The following ARK2N variants were observed in gnomAD, a reference collection of about 807,000 sequenced individuals.
ARK2N encodes the protein arkadia (RNF111) N-terminal like PKA signaling regulator 2N, also known as protein ARK2N.
chr18:46,184,846 T>C, the ARK2N span, among the ~76,000 whole-genome samples: 35 of 152,362 alleles, frequency 2.3e-4, no homozygotes, highest in African/African-American at 8.4e-4. Context: ...AAGATACTGC[T>C]TTCTACCTCA....
chr18:46,215,855 T>C, the ARK2N span: 2 of 1,595,380 alleles, frequency 1.3e-6, no homozygotes, highest in Admixed American at 3.4e-5. Flanking sequence ...TAGACTCTAC[T>C]CCATGATTTA....
chr18:46,263,456 T>C, the ARK2N span: 1 of 198,502 alleles, frequency 5.0e-6, no homozygotes, highest in Non-Finnish European at 1.1e-5. Flanking sequence ...AAAATGGGTT[T>C]CAGTTTTTGA....
chr18:46,216,072 G>A, the ARK2N span: 1 of 1,614,032 alleles, frequency 6.2e-7, no homozygotes, highest in African/African-American at 1.3e-5. The surrounding 1 kb of genome is among the most constrained non-coding windows in gnomAD (Gnocchi z 4.3). Flanking sequence ...AACTGAGAAG[G>A]GACTCTTCTG....
the ARK2N span, among the ~76,000 whole-genome samples, chr18:46,229,576 C>T: frequency 6.6e-6 from 1 of 151,302 alleles, no homozygotes; most frequent in Non-Finnish European, 1.5e-5. Context: ...GATCTCCTGA[C>T]GTCATGATCC....
the ARK2N span, among the ~76,000 whole-genome samples, chr18:46,205,106 C>T: frequency 1.3e-5 from 2 of 151,890 alleles, no homozygotes; most frequent in African/African-American, 4.8e-5. Flanking sequence ...CGGGTTTTTA[C>T]CATGTTGCCC....
the ARK2N span, among the ~76,000 whole-genome samples, chr18:46,246,693 A>G: frequency 1.8e-5 from 1 of 56,872 alleles, no homozygotes; most frequent in African/African-American, 5.6e-5. Context: ...CTGTAATCCC[A>G]GCACTTTGGG....
the ARK2N span, among the ~76,000 whole-genome samples, chr18:46,173,866 G>A: frequency 6.6e-6 from 1 of 152,152 alleles, no homozygotes; most frequent in African/African-American, 2.4e-5. Context: ...AAGAAGCCCG[G>A]GGAGCCGGCG....
the ARK2N span, chr18:46,218,364 T>C: frequency 6.6e-6 from 1 of 152,244 alleles, no homozygotes; most frequent in Non-Finnish European, 1.5e-5. Flanking sequence ...GTTTCTATTG[T>C]TCACACCATT....
the ARK2N span, among the ~76,000 whole-genome samples, chr18:46,210,634 G>A: frequency 2.0e-5 from 3 of 152,182 alleles, no homozygotes; most frequent in Non-Finnish European, 4.4e-5. Flanking sequence ...TTTGGGCCAG[G>A]TATTGTGGCT....
chr18:46,207,577 A>C, the ARK2N span, among the ~76,000 whole-genome samples: 2 of 151,792 alleles, frequency 1.3e-5, no homozygotes, highest in African/African-American at 4.8e-5. Context: ...TTCAGTAGAG[A>C]CAGGGTTTCA....
the ARK2N span, among the ~76,000 whole-genome samples, chr18:46,261,153 A>C: frequency 3.3e-5 from 5 of 152,220 alleles, no homozygotes; most frequent in Non-Finnish European, 7.3e-5. Context: ...AAGTAACTTT[A>C]TACTTCTAAA....
chr18:46,243,748 A>C, the ARK2N span, among the ~76,000 whole-genome samples: 2 of 152,162 alleles, frequency 1.3e-5, no homozygotes, highest in Admixed American at 6.5e-5. Context: ...TCCTCAGGTA[A>C]ATTATATAAA....
chr18:46,243,296 G>T, the ARK2N span, among the ~76,000 whole-genome samples: 2 of 152,128 alleles, frequency 1.3e-5, no homozygotes, highest in Non-Finnish European at 2.9e-5. Context: ...CATTCTTATG[G>T]TGTGAGTGTA....
the ARK2N span, among the ~76,000 whole-genome samples, chr18:46,192,516 G>A: frequency 5.9e-3 from 905 of 152,108 alleles, 4 homozygotes; most frequent in African/African-American, 0.021. Flanking sequence ...GGTGGAGGTT[G>A]CAGTGAGCTG....
chr18:46,221,088 A>T, the ARK2N span, among the ~76,000 whole-genome samples: 1 of 152,168 alleles, frequency 6.6e-6, no homozygotes, highest in African/African-American at 2.4e-5. Flanking sequence ...GTGAGCCATG[A>T]TTGAGCCTCT....
At chr18:46,220,239 G>A in the ARK2N span, among the ~76,000 whole-genome samples, 2 of 152,122 alleles carry the variant, frequency 1.3e-5, no homozygotes, top group African/African-American at 4.8e-5. Flanking sequence ...TGTCATTGAG[G>A]CTACTGAGGA....
chr18:46,208,117 C>T, the ARK2N span, among the ~76,000 whole-genome samples: 135 of 152,156 alleles, frequency 8.9e-4, no homozygotes, highest in Non-Finnish European at 1.6e-3. Context: ...TGGCTACAAT[C>T]CTTAGAGTGG....
chr18:46,255,445 C>CTTTTTT, the ARK2N span, among the ~76,000 whole-genome samples: 219 of 77,702 alleles, frequency 2.8e-3, no homozygotes, highest in African/African-American at 0.011. Context: ...CTTTTCTTTT[C>CTTTTTT]TTTTTTTTTT....
chr18:46,253,862 T>C, the ARK2N span: 1 of 1,542,714 alleles, frequency 6.5e-7, no homozygotes, highest in Non-Finnish European at 8.8e-7. Flanking sequence ...TTTTAAGTTA[T>C]AAATTCTATT....
Sources: gnomAD v4.1 joint callset for allele counts (sites outside exome capture counted in the v4.1 genomes callset) on GRCh38, gnomAD v4.1.1 for gene constraint, Gnocchi (gnomAD v3.1) non-coding constraint, MANE v1.5 for transcripts, NCBI Gene and HGNC (gene_info 2026-07-23, HGNC 2026-07-21) for gene names.